The following GNB1 variants were observed in gnomAD, a reference collection of about 807,000 sequenced individuals.
GNB1 encodes G protein subunit beta 1.
Under a neutral mutation model 42.9 loss-of-function variants are expected in GNB1, and 2 were observed. The observed-to-expected ratio is 0.05, with a 90% CI of 0.02 to 0.15. The LOEUF (loss-of-function observed/expected upper bound fraction) is 0.15, where lower values mean the gene tolerates loss of function less well. Ranked by LOEUF, GNB1 falls within the 10% of genes least tolerant of loss-of-function variation. The pLI is 1.00. For synonymous variants in GNB1, 183 were observed against 174.7 expected (o/e 1.05, Z -0.38); for missense variants, 193 against 462.2 (o/e 0.42, Z 5.34).
At chr1:1,843,053 C>T (rs549664451) in intron 1 of GNB1, among the ~76,000 whole-genome samples, 14 of 152,158 alleles carry the variant, frequency 9.2e-5, no homozygotes, top group Non-Finnish European at 1.9e-4. Context: ...CTGTAACAGC[C>T]ACCTGGCATC....
Position 1,786,835 on chromosome 1 carries a change from AG to A in GNB1, c.*227del, listed in dbSNP as rs1339019212. ...AGAAAACAAAGACGATGGCCCCGGA[AG>A]GAATGCACAATTTGTTTTAGTTTAC... On this transcript the variant is annotated 3_prime_UTR_variant, in exon 12 of 12. Transcript: ENST00000378609. The A allele has an allele frequency of 2.0e-5, 3 of 152,742 alleles. No individual in the cohort carries two copies. The highest frequency in any genetic ancestry group is 4.4e-5 in the Non-Finnish European group (3 of 68,076). The allele number at this position is 152,742 out of a possible 1,614,324, so 9.5% of individuals were successfully genotyped here. A position where few individuals can be genotyped will look rare whatever the true frequency, so the allele number is the denominator to read the frequency against.
At chr1:1,842,202 G>A (rs189001628) in intron 1 of GNB1, among the ~76,000 whole-genome samples, 9 of 152,276 alleles carry the variant, frequency 5.9e-5, no homozygotes, top group South Asian at 2.1e-4. Flanking sequence ...AGGCCAAGGC[G>A]GGCAGATCAC....
At chr1:1,833,153 T>A (rs1283786422) in intron 2 of GNB1, among the ~76,000 whole-genome samples, 1 of 152,108 alleles carries the variant, frequency 6.6e-6, no homozygotes, top group African/African-American at 2.4e-5. Context: ...TCTGGATGGT[T>A]TGGACAACTT....
In GNB1 at chr1:1,787,707, TAAAA is replaced by T. The variant is rs1362900090; in HGVS notation, c.917-274_917-271del. ...CTTCTCAGCACTCACTTATAAAACT[TAAAA>T]AAAGAAGCAAAGGCCACTATCAAAA... On this transcript the variant is annotated intron_variant, in intron 10 of 11. Transcript: ENST00000378609. This position sits in a 1 kb window ranked among gnomAD's most constrained non-coding sequence, Gnocchi z 4.4. Among the ~76,000 whole-genome samples the T allele has an allele frequency of 6.6e-6, 1 of 151,792 alleles. No individual in the cohort carries two copies. The highest frequency in any genetic ancestry group is 1.5e-5 in the Non-Finnish European group (1 of 67,948).
intron 1 of GNB1, among the ~76,000 whole-genome samples, chr1:1,874,294 C>T (rs1319208026): frequency 6.6e-6 from 1 of 152,102 alleles, no homozygotes; most frequent in Non-Finnish European, 1.5e-5. Flanking sequence ...CATGGCAAAA[C>T]CCTGTCTCTA....
chr1:1,880,957 A>T (rs1387122319), intron 1 of GNB1, among the ~76,000 whole-genome samples: 2 of 152,118 alleles, frequency 1.3e-5, no homozygotes, highest in African/African-American at 4.8e-5. Flanking sequence ...GAGATCAATG[A>T]GATCAGAGCA....
At chr1:1,804,722 C>G in intron 6 of GNB1, 141 bp from the exon 7 acceptor site, 1 of 624,898 alleles carries the variant, frequency 1.6e-6, no homozygotes, top group South Asian at 2.0e-5. Context: ...GAGCGATTCC[C>G]ATATGTGGCC....
chr1:1,885,736 T>A (rs1650116416), intron 1 of GNB1, among the ~76,000 whole-genome samples: 1 of 150,604 alleles, frequency 6.6e-6, no homozygotes, highest in Admixed American at 6.6e-5. Context: ...TTTTTGGTAT[T>A]TTTAGTAGCA....
intron 3 of GNB1, among the ~76,000 whole-genome samples, chr1:1,822,813 C>A (rs1425781655): frequency 6.6e-6 from 1 of 152,170 alleles, no homozygotes; most frequent in Non-Finnish European, 1.5e-5. Flanking sequence ...CTGTGCCATA[C>A]AAGCTCTTTC....
At chr1:1,859,444 T>C (rs935193560) in intron 1 of GNB1, among the ~76,000 whole-genome samples, 5 of 152,106 alleles carry the variant, frequency 3.3e-5, no homozygotes, top group East Asian at 1.9e-4. Context: ...TCCCAGCACT[T>C]TGAGAGCAGC....
At chr1:1,814,534 C>A (rs911655212) in intron 5 of GNB1, among the ~76,000 whole-genome samples, 1 of 152,070 alleles carries the variant, frequency 6.6e-6, no homozygotes, top group Non-Finnish European at 1.5e-5. Context: ...GGTGGTGGCT[C>A]ACACCTATAA....
intron 1 of GNB1, among the ~76,000 whole-genome samples, chr1:1,877,735 G>A (rs541809908): frequency 6.6e-6 from 1 of 152,252 alleles, no homozygotes; most frequent in Admixed American, 6.5e-5. Context: ...TCCAGAGAAA[G>A]GATAGGATAG....
chr1:1,879,592 C>T (rs1649729383), intron 1 of GNB1, among the ~76,000 whole-genome samples: 1 of 151,764 alleles, frequency 6.6e-6, no homozygotes, highest in Admixed American at 6.6e-5. Context: ...GTAGTCCCAG[C>T]TATTCGGGAG....
At chr1:1,863,605 T>C (rs2101677531) in intron 1 of GNB1, among the ~76,000 whole-genome samples, 1 of 152,332 alleles carries the variant, frequency 6.6e-6, no homozygotes, top group African/African-American at 2.4e-5. Context: ...CTCTGTTAAC[T>C]ATAAAAGAAC....
intron 7 of GNB1, among the ~76,000 whole-genome samples, chr1:1,796,771 C>T (rs902155110): frequency 6.6e-6 from 1 of 152,138 alleles, no homozygotes. Flanking sequence ...GGCTGAAACG[C>T]GGCCTGGGGA....
At chr1:1,881,410 G>A (rs148416525) in intron 1 of GNB1, among the ~76,000 whole-genome samples, 2 of 143,402 alleles carry the variant, frequency 1.4e-5, no homozygotes, top group East Asian at 2.1e-4. Flanking sequence ...AGCTCTCGAG[G>A]TAAAAGTTCA....
intron 1 of GNB1, among the ~76,000 whole-genome samples, chr1:1,849,214 A>G (rs1647848165): frequency 1.3e-5 from 2 of 152,154 alleles, no homozygotes; most frequent in Non-Finnish European, 2.9e-5. Flanking sequence ...CCATGGGGAG[A>G]GGGCTTGGAG....
At chr1:1,849,699 C>T (rs982444906) in intron 1 of GNB1, among the ~76,000 whole-genome samples, 2 of 152,130 alleles carry the variant, frequency 1.3e-5, no homozygotes, top group Non-Finnish European at 2.9e-5. Flanking sequence ...CCATGCCTGG[C>T]CTGTATGAAA....
At chr1:1,815,133 A>T (rs752541315) in intron 5 of GNB1, among the ~76,000 whole-genome samples, 1 of 151,676 alleles carries the variant, frequency 6.6e-6, no homozygotes, top group Non-Finnish European at 1.5e-5. Flanking sequence ...AAAAAAAGAG[A>T]AAAGAAAAGA....
Sources: gnomAD v4.1 joint callset for allele counts (sites outside exome capture counted in the v4.1 genomes callset) on GRCh38, gnomAD v4.1.1 for gene constraint, Gnocchi (gnomAD v3.1) non-coding constraint, MANE v1.5 for transcripts, NCBI Gene and HGNC (gene_info 2026-07-23, HGNC 2026-07-21) for gene names.